The following IL19 variants were observed in gnomAD, a reference collection of about 807,000 sequenced individuals.
IL19 encodes interleukin-19.
IL19 carries 15 observed loss-of-function variants against 19.5 expected under a neutral mutation model. That is an observed-to-expected ratio of 0.77 (90% confidence interval 0.52 to 1.19). The LOEUF is 1.19. Ranked by LOEUF, IL19 falls within the 50% of genes most tolerant of loss-of-function variation. The pLI, the probability that IL19 is intolerant of heterozygous loss-of-function variation, is 0.00. For missense variants in IL19, 199 were observed against 213.1 expected, an observed-to-expected ratio of 0.93 and a Z score of 0.41; for synonymous variants, 78 against 78.3, an observed-to-expected ratio of 1.00 and a Z score of 0.02.
chr1:206,818,952 A>G (rs1676228229), intron 2 of IL19, among the ~76,000 whole-genome samples: 1 of 151,746 alleles, frequency 6.6e-6, no homozygotes, highest in Admixed American at 6.6e-5. Context: ...AGCTGGGATT[A>G]CAGGCACCTG....
At chr1:206,772,002 G>T (rs368034122) in intron 1 of IL19, among the ~76,000 whole-genome samples, 1 of 152,210 alleles carries the variant, frequency 6.6e-6, no homozygotes. Context: ...AGTATAGAGC[G>T]CCAGCAGGAT....
Position 206,824,865 on chromosome 1 carries a change from C to T in IL19, c.-2-11796C>T, listed in dbSNP as rs370523344. Among the ~76,000 whole-genome samples the T allele has an allele frequency of 7.2e-5, 11 of 152,168 alleles. No homozygotes were observed. In the East Asian group the frequency reaches 9.6e-4, roughly 13 times the overall value. On this transcript the variant is annotated intron_variant, in intron 2 of 6. Transcript: ENST00000659997. ...GCAACCTCTGCCTCCTGGGTTCAAG[C>T]GATTATCCTGCCTTAGCCTCCTGGG...
chr1:206,828,062 T>C (rs1464494405), intron 2 of IL19, among the ~76,000 whole-genome samples: 1 of 6,606 alleles, frequency 1.5e-4, no homozygotes, highest in African/African-American at 3.7e-4. Context: ...TCTACTCTTT[T>C]AGTCTATGAA....
At position 206,771,032 on chromosome 1, in the gene IL19, CA is replaced by C; in HGVS notation, c.-194del. The stretch of plus-strand genomic sequence containing the variant: ...TCCTCCAGGTAAAACTGGATCATCT[CA>C]GACAAGGCTTGGCAACCCAGGTAAC... On this transcript the variant is annotated 5_prime_UTR_variant, in exon 1 of 7. An upstream open reading frame in the 5' UTR gains an earlier in-frame stop. Coordinates refer to ENST00000659997, the MANE Select transcript of IL19 (RefSeq NM_153758.5). 6.2e-7 allele frequency: 1 copy of C among 1,614,172 alleles called. No individual in the cohort carries two copies. The highest frequency in any genetic ancestry group is 8.5e-7 in the Non-Finnish European group (1 of 1,180,016).
chr1:206,798,797 C>T, intron 1 of IL19, 64 bp from the exon 2 acceptor site: 1 of 874,600 alleles, frequency 1.1e-6, no homozygotes. Flanking sequence ...ACCTCAAAGC[C>T]ACCAGAAGGA....
Position 206,799,001 on chromosome 1 carries a change from C to A in IL19, c.-8C>A. On this transcript the variant is annotated 5_prime_UTR_variant, in exon 2 of 7. Transcript: ENST00000659997. Reference sequence around the variant, plus strand: ...GTGCCAGTGCTTTGGGGCTCTGTTCCACGGGGTAAGTAATTTCTGCTATAG... The same window carrying A: ...GTGCCAGTGCTTTGGGGCTCTGTTCAACGGGGTAAGTAATTTCTGCTATAG... The A allele has an allele frequency of 6.2e-7, 1 of 1,608,598 alleles. No homozygotes were observed. The highest frequency in any genetic ancestry group is 8.5e-7 in the Non-Finnish European group (1 of 1,175,082).
At chr1:206,787,291 C>T (rs1675290308) in intron 1 of IL19, among the ~76,000 whole-genome samples, 1 of 152,196 alleles carries the variant, frequency 6.6e-6, no homozygotes, top group Non-Finnish European at 1.5e-5. Context: ...TTAAAAAAAT[C>T]CTCCAGTGCT....
chr1:206,783,260 C>T (rs1441832912), intron 1 of IL19, among the ~76,000 whole-genome samples: 1 of 152,100 alleles, frequency 6.6e-6, no homozygotes, highest in Non-Finnish European at 1.5e-5. Flanking sequence ...ACTCCAGAGG[C>T]CCTAAGTTGT....
intron 1 of IL19, among the ~76,000 whole-genome samples, chr1:206,787,282 T>TA (rs901142079): frequency 7.9e-5 from 12 of 152,312 alleles, no homozygotes; most frequent in African/African-American, 2.6e-4. Flanking sequence ...ATTTCATTTT[T>TA]AAAAAAATCC....
intron 2 of IL19, among the ~76,000 whole-genome samples, chr1:206,814,597 G>A (rs1676099154): frequency 6.6e-6 from 1 of 151,318 alleles, no homozygotes; most frequent in South Asian, 2.1e-4. Context: ...GAGGGGCTGA[G>A]GCATGAGAAT....
intron 2 of IL19, among the ~76,000 whole-genome samples, chr1:206,823,947 G>A (rs1465357205): frequency 6.6e-6 from 1 of 152,226 alleles, no homozygotes; most frequent in African/African-American, 2.4e-5. Flanking sequence ...TAAGAAGGAT[G>A]TGACTTGGGC....
chr1:206,837,158 G>A (rs1676824858), intron 4 of IL19, 135 bp downstream of exon 4: 2 of 700,968 alleles, frequency 2.9e-6, no homozygotes, highest in African/African-American at 3.6e-5. Context: ...AGGCTTCTTT[G>A]TCAGATGATG....
At chr1:206,827,077 T>G (rs1676457609) in intron 2 of IL19, among the ~76,000 whole-genome samples, 1 of 152,222 alleles carries the variant, frequency 6.6e-6, no homozygotes, top group South Asian at 2.1e-4. Context: ...CAGGTTTGTA[T>G]GGAGTGTTAT....
intron 1 of IL19, among the ~76,000 whole-genome samples, chr1:206,792,423 C>A (rs1008010820): frequency 6.6e-6 from 1 of 152,070 alleles, no homozygotes; most frequent in Admixed American, 6.6e-5. Context: ...CTCTGATTGA[C>A]CCTTTGTGGT....
At position 206,834,419 on chromosome 1, in the gene IL19, G is replaced by A. The variant is rs144869494; in HGVS notation, c.-2-2242G>A. The A allele has an allele frequency of 5.5e-4, 543 of 985,600 alleles. 5 individuals are homozygous for A. In the African/African-American group the frequency reaches 7.7e-3, roughly 14 times the overall value. 61.1% of individuals were successfully genotyped at this position (985,600 alleles called of 1,614,324 possible). On this transcript the variant is annotated intron_variant, in intron 2 of 6. Coordinates refer to ENST00000659997, the MANE Select transcript of IL19 (RefSeq NM_153758.5). ...GTGAGAGGTGAGGCTCACGCTGTCCGTCATCAGGGGCTCCTATGCACCGCC... is the reference window on the plus strand; with the variant it reads ...GTGAGAGGTGAGGCTCACGCTGTCCATCATCAGGGGCTCCTATGCACCGCC...
intron 1 of IL19, among the ~76,000 whole-genome samples, chr1:206,774,942 C>T (rs1674955188): frequency 6.6e-6 from 1 of 152,058 alleles, no homozygotes. Flanking sequence ...AATACACACA[C>T]ACACACATAC....
intron 2 of IL19, among the ~76,000 whole-genome samples, chr1:206,818,963 C>A (rs74211061): frequency 0.11 from 16,296 of 151,848 alleles, 1,252 homozygotes; most frequent in East Asian, 0.36. Flanking sequence ...CAGGCACCTG[C>A]CACAGCGCCC....
intron 1 of IL19, among the ~76,000 whole-genome samples, chr1:206,791,090 C>T (rs565325190): frequency 2.0e-5 from 3 of 152,246 alleles, no homozygotes; most frequent in African/African-American, 7.2e-5. Flanking sequence ...GAAGATGGAC[C>T]GTGTATGTTG....
chr1:206,830,899 C>T (rs981604144), intron 2 of IL19, among the ~76,000 whole-genome samples: 3 of 152,136 alleles, frequency 2.0e-5, no homozygotes, highest in Non-Finnish European at 2.9e-5. Context: ...TTTACAAATT[C>T]GTTCTCAGTC....
Sources: allele counts gnomAD v4.1 joint callset (sites outside exome capture counted in the v4.1 genomes callset), GRCh38; gene constraint gnomAD v4.1.1; transcripts MANE v1.5; gene names NCBI Gene and HGNC (gene_info 2026-07-23, HGNC 2026-07-21).